VWA8: variants seen among roughly 807,000 people sequenced by gnomAD.
The protein encoded by VWA8 is von Willebrand factor A domain containing 8.
In VWA8, 221 loss-of-function variants were observed where a neutral mutation model predicts 241.5. That is an observed-to-expected ratio of 0.91 (90% confidence interval 0.82 to 1.02). The LOEUF is 1.02. VWA8 is among the 50% of genes least tolerant of loss of function. VWA8 has a pLI of 0.00. For synonymous variants in VWA8, 852 were observed against 827.1 expected, an observed-to-expected ratio of 1.03 and a Z score of -0.52; for missense variants, 2,322 against 2,328.7, an observed-to-expected ratio of 1.00 and a Z score of 0.06.
intron 17 of VWA8, among the ~76,000 whole-genome samples, chr13:41,804,670 A>T (rs1870107131): frequency 6.6e-6 from 1 of 152,230 alleles, no homozygotes; most frequent in South Asian, 2.1e-4. Flanking sequence ...TTGAGTATAA[A>T]GATTAAAGAT....
chr13:41,577,904 T>G (rs1481939896), intron 42 of VWA8, among the ~76,000 whole-genome samples: 1 of 152,216 alleles, frequency 6.6e-6, no homozygotes, highest in Non-Finnish European at 1.5e-5. Flanking sequence ...ACAGGGTCAA[T>G]GTAACTGGTC....
In VWA8 at chr13:41,891,449, A is replaced by G. The variant is rs1874839867; in HGVS notation, c.622T>C (p.Ser208Pro). The G allele has an allele frequency of 6.2e-7, 1 of 1,614,104 alleles. No individual in the cohort carries two copies. The highest frequency in any genetic ancestry group is 1.3e-5 in the African/African-American group (1 of 74,936). The part of the protein sequence containing the change: ...MQLEDGRFLM[S>P]AERYDKLLRD... ...AGAAGTTTGTCGTAACGCTCAGCAG[A>G]CATCAGGAAGCGTCCATCTTCAAGC... The change falls in exon 5 of 45, where the codon TCT becomes CCT. Residue 208 changes from serine to proline, a missense_variant. Physicochemically the swap from Ser to Pro is moderately conservative, Grantham distance 74. Coordinates refer to ENST00000379310, the MANE Select transcript of VWA8 (RefSeq NM_015058.2).
intron 12 of VWA8, among the ~76,000 whole-genome samples, chr13:41,861,471 C>G (rs990660861): frequency 2.6e-5 from 4 of 151,808 alleles, no homozygotes; most frequent in African/African-American, 9.7e-5. Context: ...TCAGGCAAGA[C>G]CAAAAAATAA....
intron 43 of VWA8, among the ~76,000 whole-genome samples, chr13:41,573,486 A>AAATAAATAAATAAATAAATATATAT: frequency 2.6e-5 from 3 of 113,614 alleles, no homozygotes; most frequent in African/African-American, 1.0e-4. Context: ...AAAAAAAAAA[A>AAATAAATAAATAAATAAATATATAT]ATATATATAT....
At chr13:41,578,617 C>T (rs1452872638) in intron 42 of VWA8, among the ~76,000 whole-genome samples, 3 of 152,152 alleles carry the variant, frequency 2.0e-5, no homozygotes, top group African/African-American at 4.8e-5. Flanking sequence ...CTGGTTTCTA[C>T]GATGATCGTG....
At chr13:41,816,552 A>G in intron 16 of VWA8, 146 bp downstream of exon 16, 1 of 660,718 alleles carries the variant, frequency 1.5e-6, no homozygotes, top group Non-Finnish European at 2.5e-6. Context: ...GGAGTAAACC[A>G]TATGCATAGA....
chr13:41,648,630 A>ACGGGGC (rs2044848503), intron 37 of VWA8, among the ~76,000 whole-genome samples: 1 of 152,200 alleles, frequency 6.6e-6, no homozygotes, highest in African/African-American at 2.4e-5. Flanking sequence ...GCTACTTTTG[A>ACGGGGC]CGGGGCCGTA....
chr13:41,765,332 G>A (rs2045772132), intron 20 of VWA8, among the ~76,000 whole-genome samples: 1 of 152,090 alleles, frequency 6.6e-6, no homozygotes, highest in Admixed American at 6.6e-5. Flanking sequence ...GGCCTAATTT[G>A]GTTTGGTTTC....
At chr13:41,783,683 C>A in intron 19 of VWA8, 112 bp downstream of exon 19, 1 of 646,316 alleles carries the variant, frequency 1.5e-6, no homozygotes, top group Admixed American at 3.4e-5. Flanking sequence ...TTTGCATCAT[C>A]TAAATTAAAT....
At chr13:41,700,346 A>G (rs2045241611) in intron 28 of VWA8, among the ~76,000 whole-genome samples, 1 of 152,046 alleles carries the variant, frequency 6.6e-6, no homozygotes, top group Non-Finnish European at 1.5e-5. Flanking sequence ...TTAAATAAAT[A>G]AGTGAACTGA....
At chr13:41,940,799 A>C (rs1441405221) in intron 2 of VWA8, among the ~76,000 whole-genome samples, 1 of 152,202 alleles carries the variant, frequency 6.6e-6, no homozygotes, top group Non-Finnish European at 1.5e-5. Context: ...AAACAATGCA[A>C]CAATTTACTA....
intron 31 of VWA8, 38 bp from the exon 32 acceptor site, chr13:41,691,483 G>T: frequency 6.2e-7 from 1 of 1,606,100 alleles, no homozygotes. Flanking sequence ...AGGAAATGGT[G>T]AGGATAATGG....
chr13:41,701,001 A>G (rs547370062), intron 28 of VWA8, among the ~76,000 whole-genome samples: 15 of 152,356 alleles, frequency 9.8e-5, no homozygotes, highest in Middle Eastern at 3.4e-3. Flanking sequence ...CTTTACAATT[A>G]GAAGTTTAAT....
rs1049653517 is a variant in VWA8 at position 41,567,873 on chromosome 13, T to C, written c.*324A>G. 4 of 217,356 alleles carry C rather than the reference T, an allele frequency of 1.8e-5. No homozygotes were observed. The highest frequency in any genetic ancestry group is 2.7e-5 in the Non-Finnish European group (3 of 110,594). 13.5% of individuals were successfully genotyped at this position (217,356 alleles called of 1,614,324 possible). ...GTTAAGGCAAAAGCAAAGTATTTTC[T>C]CCCCCTCAGGTTTTTGGAAATAGAC... On this transcript the variant is annotated 3_prime_UTR_variant, in exon 45 of 45. Coordinates refer to ENST00000379310, the MANE Select transcript of VWA8 (RefSeq NM_015058.2).
chr13:41,757,828 G>A (rs889098740), intron 21 of VWA8, among the ~76,000 whole-genome samples: 1 of 151,626 alleles, frequency 6.6e-6, no homozygotes, highest in Non-Finnish European at 1.5e-5. Context: ...GAATGTGGGG[G>A]ACAAGTAATA....
At position 41,567,898 on chromosome 13, in the gene VWA8, C is replaced by A. The variant is rs1038531533; in HGVS notation, c.*299G>T. On this transcript the variant is annotated 3_prime_UTR_variant, in exon 45 of 45. Transcript: ENST00000379310. ...TCCCCCTCAGGTTTTTGGAAATAGACCAAACACATAGTTCTCAAAACCACC... is the reference window on the plus strand; with the variant it reads ...TCCCCCTCAGGTTTTTGGAAATAGAACAAACACATAGTTCTCAAAACCACC... 2.6e-5 allele frequency: 7 copies of A among 265,020 alleles called. No individual in the cohort carries two copies. Among genetic ancestry groups the A allele is most frequent in the Non-Finnish European group, 3.5e-5 (5 of 141,166 alleles). 16.4% of individuals were successfully genotyped at this position (265,020 alleles called of 1,614,324 possible). A position where few individuals can be genotyped will look rare whatever the true frequency, so the allele number is the denominator to read the frequency against.
intron 44 of VWA8, chr13:41,568,536 A>G (rs955144207): frequency 1.3e-5 from 6 of 451,376 alleles, no homozygotes; most frequent in African/African-American, 1.0e-4. Flanking sequence ...AGGTCTTTTC[A>G]GTGAGAAAGT....
chr13:41,712,595 A>C (rs2137839240), intron 26 of VWA8, among the ~76,000 whole-genome samples: 1 of 152,330 alleles, frequency 6.6e-6, no homozygotes. Flanking sequence ...TTATCTTTGA[A>C]ATCTCCATAT....
chr13:41,703,253 C>G (rs1234267462), intron 27 of VWA8, 50 bp downstream of exon 27: 1 of 1,490,416 alleles, frequency 6.7e-7, no homozygotes, highest in South Asian at 1.2e-5. Context: ...GAAGATACAG[C>G]AAAATTTATA....
Sources: allele counts gnomAD v4.1 joint callset (sites outside exome capture counted in the v4.1 genomes callset), GRCh38; gene constraint gnomAD v4.1.1; transcripts MANE v1.5; gene names NCBI Gene and HGNC (gene_info 2026-07-23, HGNC 2026-07-21).